The following SLC1A2 variants were observed in gnomAD, a reference collection of about 807,000 sequenced individuals.
SLC1A2 encodes the protein excitatory amino acid transporter 2.
SLC1A2 carries 15 observed loss-of-function variants against 48.8 expected under a neutral mutation model. That is an observed-to-expected ratio of 0.31 (90% CI 0.21 to 0.47). The LOEUF is 0.47. Among genes scored for constraint, SLC1A2 ranks in the 20% least tolerant of loss-of-function variants. SLC1A2 has a pLI of 0.99. For synonymous variants in SLC1A2, 279 were observed against 272.6 expected, an observed-to-expected ratio of 1.02 and a Z score of -0.23; for missense variants, 502 against 730.5, an observed-to-expected ratio of 0.69 and a Z score of 3.61.
chr11:35,388,485 C>A (rs1854652318), intron 1 of SLC1A2, among the ~76,000 whole-genome samples: 1 of 152,234 alleles, frequency 6.6e-6, no homozygotes, highest in Non-Finnish European at 1.5e-5. Context: ...ACCTTGACCT[C>A]CCAGGCTCAA....
At chr11:35,405,055 C>CAGGACTCGCACTGCG (rs1565307023) in intron 1 of SLC1A2, among the ~76,000 whole-genome samples, 1 of 151,184 alleles carries the variant, frequency 6.6e-6, no homozygotes, top group Non-Finnish European at 1.5e-5. Flanking sequence ...CATCCAATCA[C>CAGGACTCGCACTGCG]AGGACTCGCA....
intron 1 of SLC1A2, among the ~76,000 whole-genome samples, chr11:35,343,674 C>A (rs1852923980): frequency 6.6e-6 from 1 of 152,068 alleles, no homozygotes; most frequent in South Asian, 2.1e-4. Flanking sequence ...TGGGGACCTA[C>A]CCTAGCACAT....
chr11:35,354,540 G>T (rs4756220), intron 1 of SLC1A2, among the ~76,000 whole-genome samples: 1 of 151,964 alleles, frequency 6.6e-6, no homozygotes, highest in Non-Finnish European at 1.5e-5. Context: ...CTCTTCCAAC[G>T]TTTCTCTTTT....
intron 4 of SLC1A2, chr11:35,307,050 C>T (rs533496098): frequency 3.3e-5 from 5 of 152,218 alleles, no homozygotes; most frequent in African/African-American, 9.6e-5. Context: ...TTAGATGGTC[C>T]TTCCAGTTGT....
chr11:35,384,801 A>C (rs533422534), intron 1 of SLC1A2, among the ~76,000 whole-genome samples: 44 of 152,332 alleles, frequency 2.9e-4, no homozygotes, highest in Middle Eastern at 6.8e-3. Flanking sequence ...GGAAATTTAG[A>C]AGGATTTTAG....
chr11:35,278,273 G>GTTTTTTTT (rs35889672), intron 9 of SLC1A2, among the ~76,000 whole-genome samples: 2 of 88,658 alleles, frequency 2.3e-5, no homozygotes, highest in African/African-American at 4.2e-5. Context: ...GTTTTTTTTT[G>GTTTTTTTT]TTTTTTTTTT....
intron 1 of SLC1A2, among the ~76,000 whole-genome samples, chr11:35,329,867 T>C (rs1275944490): frequency 6.6e-6 from 1 of 152,220 alleles, no homozygotes; most frequent in Non-Finnish European, 1.5e-5. Flanking sequence ...AGCTACCTAA[T>C]AATAACAGTT....
rs1411593491 is a variant in SLC1A2 at position 35,259,510 on chromosome 11, C to T, written c.*1384G>A. The T allele has an allele frequency of 1.3e-5, 2 of 152,474 alleles. No homozygotes were observed. The highest frequency in any genetic ancestry group is 2.4e-5 in the African/African-American group (1 of 41,434). 9.4% of individuals were successfully genotyped at this position (152,474 alleles called of 1,614,324 possible). Reference sequence around the variant, plus strand: ...CCAATCATTAAGGATTTGTTGGCTGCCTACTGCATGCAAGGCACTGTGCTA... The same window carrying T: ...CCAATCATTAAGGATTTGTTGGCTGTCTACTGCATGCAAGGCACTGTGCTA... On this transcript the variant is annotated 3_prime_UTR_variant, in exon 11 of 11. Coordinates refer to ENST00000278379, the MANE Select transcript of SLC1A2 (RefSeq NM_004171.4).
At chr11:35,307,725 T>C (rs975638128) in intron 4 of SLC1A2, among the ~76,000 whole-genome samples, 1 of 152,228 alleles carries the variant, frequency 6.6e-6, no homozygotes, top group African/African-American at 2.4e-5. Flanking sequence ...CCACAGTCTG[T>C]GCTGTATGTT....
intron 3 of SLC1A2, among the ~76,000 whole-genome samples, chr11:35,313,601 A>T (rs1246592487): frequency 2.0e-5 from 3 of 152,146 alleles, no homozygotes; most frequent in Admixed American, 2.0e-4. Context: ...AATTAAGCTG[A>T]CCTACGTGTG....
At chr11:35,373,011 G>A (rs542306498) in intron 1 of SLC1A2, among the ~76,000 whole-genome samples, 8 of 152,320 alleles carry the variant, frequency 5.3e-5, no homozygotes, top group Middle Eastern at 3.4e-3. Context: ...GCCTGGCTGG[G>A]GCATCTGGCT....
intron 1 of SLC1A2, chr11:35,380,391 T>A (rs1317530697): frequency 2.5e-6 from 1 of 398,630 alleles, no homozygotes; most frequent in East Asian, 3.6e-5. Context: ...CTTCTCCAAA[T>A]GTGGTCCTTG....
chr11:35,329,973 T>C (rs910450273), intron 1 of SLC1A2, among the ~76,000 whole-genome samples: 2 of 152,200 alleles, frequency 1.3e-5, no homozygotes, highest in Non-Finnish European at 2.9e-5. Flanking sequence ...TCCTTCTTTA[T>C]AGATGAAAAA....
intron 6 of SLC1A2, among the ~76,000 whole-genome samples, chr11:35,301,050 C>T (rs562593474): frequency 8.4e-4 from 128 of 152,148 alleles, no homozygotes; most frequent in African/African-American, 3.1e-3. Flanking sequence ...GAATAAAATT[C>T]AAATAAAAAT....
chr11:35,417,950 G>T (rs1397965716), intron 1 of SLC1A2, among the ~76,000 whole-genome samples: 1 of 152,160 alleles, frequency 6.6e-6, no homozygotes, highest in East Asian at 1.9e-4. Context: ...GCCCAGAGAA[G>T]CCCCTGATAT....
chr11:35,389,812 T>C (rs1011911380), intron 1 of SLC1A2, among the ~76,000 whole-genome samples: 1 of 152,024 alleles, frequency 6.6e-6, no homozygotes, highest in South Asian at 2.1e-4. Flanking sequence ...CAGGTCTTGC[T>C]ATATTGCCCA....
chr11:35,287,135 A>C (rs1022018811), intron 7 of SLC1A2, among the ~76,000 whole-genome samples, 184 bp from the exon 8 acceptor site: 5 of 152,184 alleles, frequency 3.3e-5, no homozygotes, highest in Non-Finnish European at 5.9e-5. Flanking sequence ...CTCAAATTCA[A>C]TCTTATTAAG....
intron 1 of SLC1A2, among the ~76,000 whole-genome samples, chr11:35,400,206 T>C (rs368053921): frequency 6.6e-6 from 1 of 152,210 alleles, no homozygotes; most frequent in Non-Finnish European, 1.5e-5. Flanking sequence ...CAGGTCAGCA[T>C]AGGTGTACAT....
chr11:35,322,863 C>G, intron 1 of SLC1A2: 2 of 650,886 alleles, frequency 3.1e-6, no homozygotes, highest in East Asian at 2.7e-5. Context: ...AGAATGCCAC[C>G]CCTGCTTTAA....
Sources: gnomAD v4.1 joint callset for allele counts (sites outside exome capture counted in the v4.1 genomes callset) on GRCh38, gnomAD v4.1.1 for gene constraint, MANE v1.5 for transcripts, NCBI Gene and HGNC (gene_info 2026-07-23, HGNC 2026-07-21) for gene names.